COL6A6: variants seen among roughly 807,000 people sequenced by gnomAD.
COL6A6 encodes collagen alpha-6(VI) chain.
In COL6A6, 183 loss-of-function variants were observed where a neutral mutation model predicts 208.6. The observed-to-expected ratio is 0.88, with a 90% confidence interval of 0.78 to 0.99. COL6A6 has a LOEUF of 0.99. Among genes scored for constraint, COL6A6 ranks in the 50% least tolerant of loss-of-function variants. The pLI is 0.00. For missense variants in COL6A6, 2,816 were observed against 2,815.2 expected (o/e 1.00, Z -0.01); for synonymous variants, 973 against 1,011.8 (o/e 0.96, Z 0.73).
At chr3:130,640,566 A>G (rs1327751347) in intron 28 of COL6A6, among the ~76,000 whole-genome samples, 3 of 152,234 alleles carry the variant, frequency 2.0e-5, no homozygotes, top group Admixed American at 2.0e-4. Context: ...TTACTGTTTT[A>G]TAGGTAATGC....
At chr3:130,634,210 A>AAAT (rs1559769378) in intron 26 of COL6A6, among the ~76,000 whole-genome samples, 31 of 50,298 alleles carry the variant, frequency 6.2e-4, no homozygotes, top group Admixed American at 9.6e-4. Flanking sequence ...GTTAAAAAAA[A>AAAT]AAATAAATAA....
rs2063739344 is a variant in COL6A6 at position 130,592,411 on chromosome 3, T to C, written c.4273-130T>C. 8.7e-6 allele frequency: 6 copies of C among 691,068 alleles called. No individual in the cohort carries two copies. In the Admixed American group the frequency reaches 1.7e-4, roughly 20 times the overall value. 42.8% of individuals were successfully genotyped at this position (691,068 alleles called of 1,614,324 possible). ...GATTTATTTCTACTCTTAGTTTTTA[T>C]AAGCAAGAACTCTGGATTGTGAACC... On this transcript the variant is annotated intron_variant, in intron 13 of 36. Transcript: ENST00000358511.
chr3:130,649,177 T>G lies in COL6A6; in HGVS notation c.5348T>G (p.Leu1783Arg). 1 of 1,595,658 alleles carries G rather than the reference T, an allele frequency of 6.3e-7. No individual in the cohort carries two copies. The highest frequency in any genetic ancestry group is 8.5e-7 in the Non-Finnish European group (1 of 1,170,706). Residue 1783 changes from leucine to arginine, a missense_variant, in exon 33 of 37, where the codon CTG (leucine) becomes CGG (arginine). By Grantham distance (102) the Leu-to-Arg change is moderately radical (BLOSUM62 -2). Transcript: ENST00000358511. ...CGGATGAAGGAGATGATGGCTTTCC[T>G]GGTGAGAGACATTAAGGTCCGGGAG... Reference protein sequence around the residue: ...FERMKEMMAFLVRDIKVRENS... With the variant: ...FERMKEMMAFRVRDIKVRENS...
chr3:130,645,023 G>A (rs769203435), intron 32 of COL6A6, 21 bp downstream of exon 32: 3 of 1,608,182 alleles, frequency 1.9e-6, no homozygotes, highest in East Asian at 4.5e-5. Flanking sequence ...TTTATTTACA[G>A]CATGCTTTAA....
intron 10 of COL6A6, among the ~76,000 whole-genome samples, chr3:130,582,484 G>A (rs1392810924): frequency 1.3e-5 from 2 of 152,098 alleles, no homozygotes; most frequent in Admixed American, 1.3e-4. Flanking sequence ...AGAGTTGCAA[G>A]CATTTTTGGA....
chr3:130,656,556 G>A (rs1358587444), intron 33 of COL6A6, among the ~76,000 whole-genome samples: 5 of 152,150 alleles, frequency 3.3e-5, no homozygotes, highest in African/African-American at 7.2e-5. Flanking sequence ...GGCCACTGAC[G>A]GGCCAGAAAA....
At chr3:130,651,084 T>C (rs1256008343) in intron 33 of COL6A6, among the ~76,000 whole-genome samples, 1 of 152,190 alleles carries the variant, frequency 6.6e-6, no homozygotes, top group Non-Finnish European at 1.5e-5. Flanking sequence ...AGTGTGAAGA[T>C]TAATTTATGC....
chr3:130,574,499 A>T lies in COL6A6; in HGVS notation c.3521A>T (p.Asn1174Ile). Residue 1174 changes from asparagine (N) to isoleucine (I), a missense_variant, in exon 8 of 37, where the codon AAC becomes ATC. Transcript: ENST00000358511. ...AAGGTCAATAAAAGGATCGTTCGCAACATCTGTACCACAGCGGGTGAAAGC... is the reference window on the plus strand; with the variant it reads ...AAGGTCAATAAAAGGATCGTTCGCATCATCTGTACCACAGCGGGTGAAAGC... ...LKKVNKRIVR[N>I]ICTTAGESNC... The T allele has an allele frequency of 6.2e-7, 1 of 1,613,970 alleles. No homozygotes were observed. Among genetic ancestry groups the T allele is most frequent in the East Asian group, 2.2e-5 (1 of 44,888 alleles).
chr3:130,627,569 G>A (rs988025543), intron 26 of COL6A6, among the ~76,000 whole-genome samples, 200 bp downstream of exon 26: 2 of 152,334 alleles, frequency 1.3e-5, no homozygotes, highest in Admixed American at 1.3e-4. Context: ...CAGGCAACAA[G>A]TGAAACTTGA....
chr3:130,583,675 G>A (rs183709327), intron 10 of COL6A6, among the ~76,000 whole-genome samples: 4 of 152,298 alleles, frequency 2.6e-5, no homozygotes. Flanking sequence ...GACCATCTTT[G>A]ACATGGTTGA....
chr3:130,641,499 T>C (rs1229969681), intron 28 of COL6A6, among the ~76,000 whole-genome samples, 153 bp from the exon 29 acceptor site: 1 of 152,224 alleles, frequency 6.6e-6, no homozygotes, highest in African/African-American at 2.4e-5. Flanking sequence ...TTTCCTTCTT[T>C]ATGTTTTTTG....
At chr3:130,532,705 C>CA (rs1321764387) in intron 1 of COL6A6, among the ~76,000 whole-genome samples, 1 of 152,132 alleles carries the variant, frequency 6.6e-6, no homozygotes, top group African/African-American at 2.4e-5. Context: ...TAAATCATTC[C>CA]AAAAAGTAGT....
At chr3:130,586,251 A>C (rs1230543860) in intron 10 of COL6A6, among the ~76,000 whole-genome samples, 3 of 152,216 alleles carry the variant, frequency 2.0e-5, no homozygotes, top group African/African-American at 7.2e-5. Flanking sequence ...GTCTCCTTCA[A>C]ATCAAGGAAC....
At chr3:130,541,996 T>C (rs867625488) in intron 1 of COL6A6, among the ~76,000 whole-genome samples, 11 of 152,136 alleles carry the variant, frequency 7.2e-5, no homozygotes, top group African/African-American at 2.7e-4. Flanking sequence ...CCATGGGATC[T>C]GCAGTGATGT....
chr3:130,528,856 C>T lies in COL6A6; in HGVS notation c.-32+11459C>T, dbSNP rs141915548. On this transcript the variant is annotated intron_variant, in intron 1 of 36. Coordinates refer to ENST00000358511, the MANE Select transcript of COL6A6 (RefSeq NM_001102608.3). The stretch of plus-strand genomic sequence containing the variant: ...CTGTAATCCCAGCACTTTGGGAGGC[C>T]GTAGGCAGGTGGATCACAAGGTCGG... Among the ~76,000 whole-genome samples, 71 of 152,222 alleles carry T rather than the reference C, an allele frequency of 4.7e-4. No homozygotes were observed. The East Asian group carries it at 0.012, about 26-fold the overall frequency.
intron 12 of COL6A6, chr3:130,589,984 A>G (rs1198605576): frequency 4.5e-6 from 2 of 448,166 alleles, no homozygotes; most frequent in Admixed American, 4.8e-5. Context: ...CTTCATGTAA[A>G]GAGAGTGGTA....
At chr3:130,673,073 C>G (rs1053615685) in intron 36 of COL6A6, among the ~76,000 whole-genome samples, 1 of 139,386 alleles carries the variant, frequency 7.2e-6, no homozygotes, top group South Asian at 2.3e-4. Context: ...CAGCTACTCA[C>G]GAGGCTGAGG....
chr3:130,551,688 T>G (rs1488794914), intron 1 of COL6A6, among the ~76,000 whole-genome samples: 1 of 151,916 alleles, frequency 6.6e-6, no homozygotes, highest in Non-Finnish European at 1.5e-5. Context: ...TTTTGGTTAT[T>G]TCTTCTGCTA....
intron 1 of COL6A6, among the ~76,000 whole-genome samples, chr3:130,527,363 G>T (rs1401414212): frequency 6.6e-6 from 1 of 152,192 alleles, no homozygotes; most frequent in Non-Finnish European, 1.5e-5. Flanking sequence ...CATCTGATTT[G>T]TGTCCTGTTT....
Sources: gnomAD v4.1 joint callset for allele counts (sites outside exome capture counted in the v4.1 genomes callset) on GRCh38, gnomAD v4.1.1 for gene constraint, MANE v1.5 for transcripts, NCBI Gene and HGNC (gene_info 2026-07-23, HGNC 2026-07-21) for gene names.